Variants in PTPRT observed in about 807,000 individuals in gnomAD.
PTPRT encodes protein tyrosine phosphatase receptor type T.
A neutral mutation model predicts 176.8 loss-of-function variants in PTPRT; 56 were observed. That is an observed-to-expected ratio of 0.32 (90% CI 0.26 to 0.40). PTPRT has a LOEUF of 0.40. Ranked by LOEUF, PTPRT falls within the 10% of genes least tolerant of loss-of-function variation. The pLI, the probability that PTPRT is intolerant of heterozygous loss-of-function variation, is 1.00. For synonymous variants in PTPRT, 783 were observed against 739.0 expected, an observed-to-expected ratio of 1.06 and a Z score of -0.96; for missense variants, 1,540 against 1,908.2, an observed-to-expected ratio of 0.81 and a Z score of 3.60.
At chr20:42,314,941 T>C (rs1039827098) in intron 12 of PTPRT, among the ~76,000 whole-genome samples, 1 of 152,180 alleles carries the variant, frequency 6.6e-6, no homozygotes, top group East Asian at 1.9e-4. Context: ...TGCCAGTTAA[T>C]TGGTGTTGTA....
At chr20:42,940,383 G>A (rs939510989) in intron 1 of PTPRT, among the ~76,000 whole-genome samples, 2 of 152,164 alleles carry the variant, frequency 1.3e-5, no homozygotes, top group Non-Finnish European at 2.9e-5. Context: ...AGTTGTATTC[G>A]CATAGCCATA....
chr20:42,481,586 T>C (rs972482403), intron 7 of PTPRT, among the ~76,000 whole-genome samples: 5 of 152,106 alleles, frequency 3.3e-5, no homozygotes, highest in African/African-American at 1.2e-4. Context: ...GGTATCAGAA[T>C]AGTTGGGAAA....
intron 9 of PTPRT, among the ~76,000 whole-genome samples, chr20:42,400,074 A>C (rs1015925309): frequency 3.9e-5 from 6 of 152,170 alleles, no homozygotes; most frequent in African/African-American, 1.4e-4. Context: ...AGTGTTTGAC[A>C]TGGTTCTCAG....
intron 9 of PTPRT, among the ~76,000 whole-genome samples, chr20:42,368,994 C>T (rs1291747149): frequency 6.6e-6 from 1 of 151,116 alleles, no homozygotes; most frequent in Non-Finnish European, 1.5e-5. Context: ...CTTTCCTTTC[C>T]TTCCTTCCTT....
chr20:42,149,199 T>C (rs1989014220), intron 17 of PTPRT, among the ~76,000 whole-genome samples: 1 of 152,166 alleles, frequency 6.6e-6, no homozygotes, highest in African/African-American at 2.4e-5. Flanking sequence ...GGGGAAGGAA[T>C]GTTCCATTCA....
intron 2 of PTPRT, among the ~76,000 whole-genome samples, chr20:42,842,715 T>C (rs1391555350): frequency 6.6e-6 from 1 of 152,216 alleles, no homozygotes; most frequent in Admixed American, 6.5e-5. Flanking sequence ...CCACTGAGCC[T>C]GGCCTAAATT....
intron 23 of PTPRT, 23 bp downstream of exon 23, chr20:42,110,310 A>G (rs1174618159): frequency 6.4e-7 from 1 of 1,572,814 alleles, no homozygotes; most frequent in Admixed American, 1.8e-5. Flanking sequence ...TCGGCCTCCC[A>G]AGGTGAAGGA....
chr20:42,387,011 A>G (rs1309175351), intron 9 of PTPRT, among the ~76,000 whole-genome samples: 1 of 152,208 alleles, frequency 6.6e-6, no homozygotes, highest in African/African-American at 2.4e-5. Flanking sequence ...TTCCCACTAG[A>G]TCCTCTAAGT....
chr20:42,931,543 C>A (rs546638610), intron 1 of PTPRT, among the ~76,000 whole-genome samples: 1 of 152,258 alleles, frequency 6.6e-6, no homozygotes, highest in Admixed American at 6.5e-5. Context: ...GAAGTGGAGC[C>A]TACGTGGGCA....
intron 7 of PTPRT, among the ~76,000 whole-genome samples, chr20:42,670,822 T>C (rs1407553391): frequency 1.3e-5 from 2 of 152,164 alleles, no homozygotes; most frequent in Non-Finnish European, 2.9e-5. Flanking sequence ...GCCTGGGGTC[T>C]GCGTCAAGCG....
chr20:42,477,487 G>C (rs760474382), intron 7 of PTPRT, among the ~76,000 whole-genome samples: 2 of 152,120 alleles, frequency 1.3e-5, no homozygotes, highest in African/African-American at 4.8e-5. Flanking sequence ...CTTTCAGTCC[G>C]ACCCCTCTAA....
chr20:42,248,826 G>C lies in PTPRT; in HGVS notation c.2177-4C>G. The stretch of plus-strand genomic sequence containing the variant: ...TTAGAATTCTGGGTGGAGGCACCTA[G>C]GAAGGGAAAGGGAAGGATAGCAATG... On this transcript the variant is annotated splice_region_variant and splice_polypyrimidine_tract_variant and intron_variant, in intron 13 of 30. Coordinates refer to ENST00000373187, the MANE Select transcript of PTPRT (RefSeq NM_007050.6). The C allele has an allele frequency of 6.2e-7, 1 of 1,613,624 alleles. No homozygotes were observed. Among genetic ancestry groups the C allele is most frequent in the East Asian group, 2.2e-5 (1 of 44,844 alleles).
chr20:42,306,736 C>T lies in PTPRT; in HGVS notation c.2139+8987G>A, dbSNP rs180829887. The stretch of plus-strand genomic sequence containing the variant: ...CTGAGTTATAGAAGCATTGGAAGAC[C>T]GTTGCTTTTCAGGGTGGAACAGGAG... On this transcript the variant is annotated intron_variant, in intron 12 of 30. Transcript: ENST00000373187. 2.7e-3 allele frequency among the ~76,000 whole-genome samples: 407 copies of T among 152,244 alleles called. 1 individual carries two copies. The highest frequency in any genetic ancestry group is 9.5e-3 in the African/African-American group (395 of 41,544).
intron 6 of PTPRT, chr20:42,685,554 G>A (rs546159115): frequency 4.6e-5 from 7 of 152,220 alleles, no homozygotes; most frequent in African/African-American, 1.7e-4. Context: ...CATTATGAAC[G>A]GTTAACTTTA....
At chr20:42,621,176 T>G (rs148452842) in intron 7 of PTPRT, among the ~76,000 whole-genome samples, 41 of 152,264 alleles carry the variant, frequency 2.7e-4, no homozygotes, top group African/African-American at 9.9e-4. Flanking sequence ...CCCTCTGCCC[T>G]GTCCTAAAGC....
At chr20:42,961,804 G>C (rs1981998584) in intron 1 of PTPRT, among the ~76,000 whole-genome samples, 1 of 152,216 alleles carries the variant, frequency 6.6e-6, no homozygotes, top group Non-Finnish European at 1.5e-5. Flanking sequence ...TAAGGATCTT[G>C]AGTGATGAGA....
chr20:42,233,670 T>A (rs972893734), intron 15 of PTPRT, among the ~76,000 whole-genome samples: 4 of 152,128 alleles, frequency 2.6e-5, no homozygotes, highest in African/African-American at 9.7e-5. Context: ...TAAGAGGAAA[T>A]GTAACCACCT....
rs1243287277 is a variant in PTPRT at position 43,189,805 on chromosome 20, C to A, written c.-72G>T. On this transcript the variant is annotated 5_prime_UTR_variant, in exon 1 of 31. Transcript: ENST00000373187. The surrounding 1 kb of genome is among the most constrained non-coding windows in gnomAD (Gnocchi z 5.0). ...CGGGACTGGGGCGGGCGCGGGGTGG[C>A]CCCGCATCGCCGGCGCGGCCGCTGG... The A allele has an allele frequency of 3.6e-6, 3 of 826,270 alleles. No individual in the cohort carries two copies. Among genetic ancestry groups the A allele is most frequent in the Non-Finnish European group, 4.4e-6 (3 of 678,674 alleles). The allele number at this position is 826,270 out of a possible 1,614,324, so 51.2% of individuals were successfully genotyped here.
intron 8 of PTPRT, among the ~76,000 whole-genome samples, chr20:42,463,215 C>CA (rs2071049644): frequency 6.6e-6 from 1 of 151,978 alleles, no homozygotes; most frequent in Non-Finnish European, 1.5e-5. Context: ...GACTTCTCGG[C>CA]AAAAAATTCC....
Sources: gnomAD v4.1 joint callset for allele counts (sites outside exome capture counted in the v4.1 genomes callset) on GRCh38, gnomAD v4.1.1 for gene constraint, Gnocchi (gnomAD v3.1) non-coding constraint, MANE v1.5 for transcripts, NCBI Gene and HGNC (gene_info 2026-07-23, HGNC 2026-07-21) for gene names.